Variants in ANKRD27 observed in about 807,000 individuals in gnomAD.
ANKRD27 encodes ankyrin repeat domain-containing protein 27.
A neutral mutation model predicts 129.7 loss-of-function variants in ANKRD27; 112 were observed. The observed-to-expected ratio is 0.86, with a 90% CI of 0.74 to 1.01. The LOEUF (loss-of-function observed/expected upper bound fraction) is 1.01. Ranked by LOEUF, ANKRD27 falls within the 50% of genes least tolerant of loss-of-function variation. ANKRD27 has a pLI of 0.00. For synonymous variants in ANKRD27, 516 were observed against 511.2 expected (o/e 1.01, Z -0.13); for missense variants, 1,258 against 1,300.5 (o/e 0.97, Z 0.50).
chr19:32,633,058 T>C (rs1967026662), intron 12 of ANKRD27, among the ~76,000 whole-genome samples: 1 of 152,134 alleles, frequency 6.6e-6, no homozygotes, highest in Non-Finnish European at 1.5e-5. Context: ...GAGCTTAGGG[T>C]CAGAGAAACA....
At position 32,631,383 on chromosome 19, in the gene ANKRD27, A is replaced by G. The variant is rs777260554; in HGVS notation, c.1209+19T>C. On this transcript the variant is annotated intron_variant, in intron 13 of 28. Transcript: ENST00000306065. ...GTTCCTCACCCACATTTACCCACAG[A>G]GATGTCTTGGTATCTCACCTTAAAC... The G allele has an allele frequency of 2.5e-6, 4 of 1,605,252 alleles. No homozygotes were observed. Among genetic ancestry groups the G allele is most frequent in the Admixed American group, 3.3e-5 (2 of 59,922 alleles).
intron 17 of ANKRD27, among the ~76,000 whole-genome samples, chr19:32,624,270 G>A (rs1289348935): frequency 2.0e-5 from 3 of 152,066 alleles, no homozygotes; most frequent in African/African-American, 7.2e-5. Context: ...AGGAGGCTGA[G>A]GCAGGAGAAT....
intron 2 of ANKRD27, among the ~76,000 whole-genome samples, chr19:32,653,723 G>A (rs1422832304): frequency 2.0e-5 from 3 of 150,832 alleles, no homozygotes; most frequent in Middle Eastern, 3.2e-3. Flanking sequence ...GCTTCGAGGC[G>A]TGGCGTGGCG....
chr19:32,626,567 G>T (rs1972094289), intron 16 of ANKRD27, 145 bp downstream of exon 16: 1 of 589,992 alleles, frequency 1.7e-6, no homozygotes, highest in Non-Finnish European at 2.9e-6. Flanking sequence ...CCTGACTACT[G>T]CTGCAGCAGA....
In ANKRD27 at chr19:32,659,011, G is replaced by A. The variant is rs1967596486; in HGVS notation, c.5C>T (p.Ala2Val). 6.2e-7 allele frequency: 1 copy of A among 1,612,650 alleles called. No homozygotes were observed. The highest frequency in any genetic ancestry group is 8.5e-7 in the Non-Finnish European group (1 of 1,178,758). M[A>V]LYDEDLLKNP... The stretch of plus-strand genomic sequence containing the variant: ...TTTCAGGAGGTCTTCATCATACAGA[G>A]CCATATGGACTTCAGATGGGTCAGA... Residue 2 changes from alanine (A) to valine (V), a missense_variant, in exon 2 of 29, where the codon GCT (alanine) becomes GTT (valine). Physicochemically the swap from Ala to Val is moderately conservative, Grantham distance 64. Transcript: ENST00000306065.
intron 2 of ANKRD27, among the ~76,000 whole-genome samples, chr19:32,657,578 G>T (rs549578756): frequency 6.6e-6 from 1 of 151,394 alleles, no homozygotes; most frequent in South Asian, 2.1e-4. Flanking sequence ...AGTCGAGATT[G>T]CGCCACTGCA....
At chr19:32,612,078 T>C (rs1326117285) in intron 22 of ANKRD27, among the ~76,000 whole-genome samples, 1 of 152,140 alleles carries the variant, frequency 6.6e-6, no homozygotes, top group Non-Finnish European at 1.5e-5. Context: ...TATAATTAGA[T>C]AGCTAACACA....
At chr19:32,641,495 A>C (rs987131574) in intron 10 of ANKRD27, among the ~76,000 whole-genome samples, 2 of 152,264 alleles carry the variant, frequency 1.3e-5, no homozygotes, top group African/African-American at 4.8e-5. Context: ...CAAAAGAGCA[A>C]ACTGTGAATG....
Position 32,605,545 on chromosome 19 carries a change from C to A in ANKRD27, c.2493+290G>T, listed in dbSNP as rs142126732. On this transcript the variant is annotated intron_variant, in intron 24 of 28. Coordinates refer to ENST00000306065, the MANE Select transcript of ANKRD27 (RefSeq NM_032139.3). ...AGCAGGGACAGAGGCGGCCACTCAG[C>A]CCATGCTCAGGTAACAGCGTGACAC... Among the ~76,000 whole-genome samples the A allele has an allele frequency of 3.6e-4, 55 of 152,332 alleles. 2 individuals are homozygous for A. In the East Asian group the frequency reaches 0.01, roughly 28 times the overall value.
Position 32,649,717 on chromosome 19 carries a change from G to A in ANKRD27, c.178C>T (p.Pro60Ser), listed in dbSNP as rs539303601. 6 of 1,613,696 alleles carry A rather than the reference G, an allele frequency of 3.7e-6. No individual in the cohort carries two copies. In the East Asian group the frequency reaches 8.9e-5, roughly 24 times the overall value. ...AAGGTCTGAAAATGCTCTTCCACAG[G>A]TATCAAAATGTAGGACTCAAACTGA... ...TCQFESYILIPVEEHFQTLNG... is the reference protein window; with the variant it reads ...TCQFESYILISVEEHFQTLNG... Residue 60 changes from proline to serine, a missense_variant, in exon 3 of 29, where the codon CCT becomes TCT. Physicochemically the swap from Pro to Ser is moderately conservative, Grantham distance 74. Transcript: ENST00000306065.
At chr19:32,628,972 G>A (rs1599750977) in intron 13 of ANKRD27, 123 bp from the exon 14 acceptor site, 2 of 1,065,130 alleles carry the variant, frequency 1.9e-6, no homozygotes, top group Non-Finnish European at 2.7e-6. Flanking sequence ...CCAGGCTGGA[G>A]TGCAATGGTG....
rs912782052 is a variant in ANKRD27 at position 32,615,653 on chromosome 19, C to T, written c.2175+5G>A. The T allele has an allele frequency of 6.2e-7, 1 of 1,614,110 alleles. No individual in the cohort carries two copies. ...TGACCTCCACCAACAGAAACAAAGC[C>T]AAACCTTCTGAGCTGGGGCACACTT... On this transcript the variant is annotated splice_donor_5th_base_variant and intron_variant, in intron 22 of 28. Coordinates refer to ENST00000306065, the MANE Select transcript of ANKRD27 (RefSeq NM_032139.3).
chr19:32,647,637 C>T (rs1967328541), intron 3 of ANKRD27, among the ~76,000 whole-genome samples: 1 of 152,194 alleles, frequency 6.6e-6, no homozygotes, highest in Non-Finnish European at 1.5e-5. Flanking sequence ...ATCTGCTCTG[C>T]CCTGTGGCTC....
At chr19:32,619,747 C>T (rs918438437) in intron 18 of ANKRD27, among the ~76,000 whole-genome samples, 194 bp from the exon 19 acceptor site, 2 of 152,136 alleles carry the variant, frequency 1.3e-5, no homozygotes, top group Non-Finnish European at 2.9e-5. Flanking sequence ...AACTTACGCA[C>T]GATCACCCCG....
intron 2 of ANKRD27, among the ~76,000 whole-genome samples, chr19:32,656,395 C>A (rs1967538166): frequency 6.6e-6 from 1 of 152,216 alleles, no homozygotes; most frequent in South Asian, 2.1e-4. Flanking sequence ...GCGTCCCGTA[C>A]TTTTCCTCTG....
At chr19:32,657,402 C>T (rs1023941853) in intron 2 of ANKRD27, among the ~76,000 whole-genome samples, 1 of 150,764 alleles carries the variant, frequency 6.6e-6, no homozygotes, top group Non-Finnish European at 1.5e-5. Flanking sequence ...GTGGAGGTTG[C>T]AGTGAGTCGA....
In ANKRD27 at chr19:32,626,826, C is replaced by A; in HGVS notation, c.1422G>T (p.Gly474=). The change falls in exon 16 of 29, where the codon GGG becomes GGT. Residue 474 remains glycine, a splice_region_variant and synonymous_variant. Transcript: ENST00000306065. ...HTPLHVAAVC[G]QASLIDLLVS... is the part of the protein sequence containing the mutation. The stretch of plus-strand genomic sequence containing the variant: ...CCAGGAGGTCGATGAGGGATGCCTG[C>A]CCTGCAGAGCAGAAGGACGTCACGA... The A allele has an allele frequency of 6.2e-7, 1 of 1,605,426 alleles. No homozygotes were observed. The highest frequency in any genetic ancestry group is 2.2e-5 in the East Asian group (1 of 44,476).
intron 26 of ANKRD27, among the ~76,000 whole-genome samples, chr19:32,601,658 G>A (rs1228198436): frequency 3.3e-5 from 5 of 151,192 alleles, no homozygotes; most frequent in Admixed American, 2.0e-4. Flanking sequence ...ATTTACCCTG[G>A]ATGTCCAGGA....
At chr19:32,673,431 C>A in intron 1 of ANKRD27, 1 of 985,418 alleles carries the variant, frequency 1.0e-6, no homozygotes, top group Non-Finnish European at 1.2e-6. Flanking sequence ...CAGCGCCGAG[C>A]TCTGCAGGAT....
Sources: gnomAD v4.1 joint callset for allele counts (sites outside exome capture counted in the v4.1 genomes callset) on GRCh38, gnomAD v4.1.1 for gene constraint, MANE v1.5 for transcripts, NCBI Gene and HGNC (gene_info 2026-07-23, HGNC 2026-07-21) for gene names.